The following DST variants were observed in gnomAD, a reference collection of about 807,000 sequenced individuals.
DST encodes the protein bullous pemphigoid antigen.
In DST, 253 loss-of-function variants were observed where a neutral mutation model predicts 875.2. The observed-to-expected ratio is 0.29, with a 90% CI of 0.26 to 0.32. The LOEUF is 0.32. Ranked by LOEUF, DST falls within the 10% of genes least tolerant of loss-of-function variation. The pLI is 1.00. For missense variants in DST, 8,287 were observed against 9,111.6 expected, an observed-to-expected ratio of 0.91 and a Z score of 3.68; for synonymous variants, 3,124 against 3,197.1, an observed-to-expected ratio of 0.98 and a Z score of 0.77.
chr6:56,951,505 C>T (rs891986157), intron 2 of DST, among the ~76,000 whole-genome samples: 6 of 152,062 alleles, frequency 3.9e-5, no homozygotes, highest in Non-Finnish European at 7.4e-5. Context: ...AGAGGTATTT[C>T]TCAAAGAGAA....
chr6:56,765,125 A>G (rs189885860), intron 4 of DST, among the ~76,000 whole-genome samples: 4 of 152,254 alleles, frequency 2.6e-5, no homozygotes, highest in African/African-American at 7.2e-5. Flanking sequence ...TCTTATCTGT[A>G]AGACTACTGG....
rs141935712 is a variant in DST at position 56,495,326 on chromosome 6, CTTAT to C, written c.20224-1150_20224-1147del. Among the ~76,000 whole-genome samples, 810 of 151,932 alleles carry C rather than the reference CTTAT, an allele frequency of 5.3e-3. 29 individuals carry two copies. In the East Asian group the frequency reaches 0.11, roughly 20 times the overall value. Reference sequence around the variant, plus strand: ...GAATGCTTTAAATCACAAATTTAAACTTATTTAAACAGATTTCTATGATTTATTA... The same window carrying C: ...GAATGCTTTAAATCACAAATTTAAACTTAAACAGATTTCTATGATTTATTA... On this transcript the variant is annotated intron_variant, in intron 82 of 103. Transcript: ENST00000680361.
At chr6:56,590,139 CTT>C (rs1260222821) in intron 49 of DST, among the ~76,000 whole-genome samples, 4 of 152,150 alleles carry the variant, frequency 2.6e-5, no homozygotes, top group Admixed American at 2.6e-4. Flanking sequence ...TACGCTATGA[CTT>C]AATTAGAATT....
intron 53 of DST, 129 bp from the exon 54 acceptor site, chr6:56,570,141 T>C (rs1323516042): frequency 7.7e-6 from 5 of 648,512 alleles, no homozygotes; most frequent in Non-Finnish European, 1.2e-5. Context: ...GGAGGAAAGG[T>C]TTCATAGGTG....
Position 56,505,501 on chromosome 6 carries a change from G to A in DST, c.19464+942C>T, listed in dbSNP as rs1304545575. 2.0e-5 allele frequency among the ~76,000 whole-genome samples: 3 copies of A among 151,498 alleles called. No individual in the cohort carries two copies. In the East Asian group the frequency reaches 5.8e-4, roughly 29 times the overall value. ...CAAAAGAAAAAAAAAAAAAGAAGAG[G>A]GAGGGAGAATATAATAAAGTGTTAT... On this transcript the variant is annotated intron_variant, in intron 77 of 103. Transcript: ENST00000680361.
At chr6:56,623,777 A>G (rs939262397) in intron 36 of DST, among the ~76,000 whole-genome samples, 1 of 152,168 alleles carries the variant, frequency 6.6e-6, no homozygotes, top group African/African-American at 2.4e-5. Flanking sequence ...AACAAAGCAT[A>G]GCATACTCCC....
intron 9 of DST, among the ~76,000 whole-genome samples, chr6:56,698,127 T>G (rs575203289): frequency 6.6e-6 from 1 of 152,086 alleles, no homozygotes; most frequent in African/African-American, 2.4e-5. Context: ...CACCTTTTCC[T>G]TTGATTACCT....
chr6:56,876,159 G>A (rs1779552246), intron 3 of DST, among the ~76,000 whole-genome samples: 1 of 152,000 alleles, frequency 6.6e-6, no homozygotes, highest in Non-Finnish European at 1.5e-5. Context: ...TCTGACCTCT[G>A]GTCACACTCC....
intron 3 of DST, among the ~76,000 whole-genome samples, chr6:56,890,208 G>A (rs1000750874): frequency 3.3e-5 from 5 of 152,122 alleles, no homozygotes; most frequent in African/African-American, 4.8e-5. Context: ...AGTGAGCACC[G>A]ACTCCAGAGA....
At chr6:56,735,360 T>C (rs1018472651) in intron 4 of DST, 71 bp from the exon 5 acceptor site, 2 of 924,154 alleles carry the variant, frequency 2.2e-6, no homozygotes, top group Non-Finnish European at 3.3e-6. Flanking sequence ...TGATCATGAA[T>C]ATAAACAAAA....
At position 56,670,922 on chromosome 6, in the gene DST, C is replaced by T. The variant is rs147179456; in HGVS notation, c.1048-115G>A. On this transcript the variant is annotated intron_variant, in intron 9 of 103. Transcript: ENST00000680361. ...CTAAGATTAGGATAATAACAATTCC[C>T]GCTTCATGAGATTGTTAAGAGATTT... 95 of 563,516 alleles carry T rather than the reference C, an allele frequency of 1.7e-4. No individual in the cohort carries two copies. In the African/African-American group the frequency reaches 1.7e-3, roughly 10 times the overall value. 34.9% of individuals were successfully genotyped at this position (563,516 alleles called of 1,614,324 possible).
chr6:56,605,057 T>C lies in DST; in HGVS notation c.9571A>G (p.Ile3191Val). ...GGTTTGGCTACATCTTTTGCTTTTA[T>C]ATTTTTAGCACAATGTTTTAAGTAA... ...FTYLKHCAKN[I>V]KAKDVAKPNE... Residue 3191 changes from isoleucine (I) to valine (V), a missense_variant, in exon 40 of 104, where the codon ATA (isoleucine) becomes GTA (valine). By Grantham distance (29) the Ile-to-Val change is conservative (BLOSUM62 3). Around this residue, in one of 10 missense-constraint regions of DST, gnomAD observed 3,138 missense variants for 3,116.6 expected, o/e 1.01. Transcript: ENST00000680361. 6.2e-7 allele frequency: 1 copy of C among 1,612,772 alleles called. No individual in the cohort carries two copies. Among genetic ancestry groups the C allele is most frequent in the Non-Finnish European group, 8.5e-7 (1 of 1,179,296 alleles).
intron 27 of DST, among the ~76,000 whole-genome samples, 196 bp from the exon 28 acceptor site, chr6:56,633,233 C>CTTTTTT (rs61647189): frequency 2.2e-5 from 3 of 138,720 alleles, no homozygotes; most frequent in African/African-American, 6.1e-5. Flanking sequence ...GAGTTTCACT[C>CTTTTTT]TTTTTTTTTT....
intron 4 of DST, among the ~76,000 whole-genome samples, chr6:56,791,620 T>C (rs2099724024): frequency 1.3e-5 from 2 of 151,772 alleles, no homozygotes; most frequent in African/African-American, 4.8e-5. Flanking sequence ...ATCCCGTCTC[T>C]ACAAATAATT....
intron 2 of DST, among the ~76,000 whole-genome samples, chr6:56,943,251 G>A (rs1053808935): frequency 6.6e-6 from 1 of 152,034 alleles, no homozygotes; most frequent in Non-Finnish European, 1.5e-5. Flanking sequence ...GGAATTGGAT[G>A]ACAGTACTGG....
chr6:56,514,753 C>G (rs1327000984), intron 72 of DST, among the ~76,000 whole-genome samples: 1 of 152,136 alleles, frequency 6.6e-6, no homozygotes, highest in African/African-American at 2.4e-5. Flanking sequence ...GGAATGCTCT[C>G]TCACATAAAC....
intron 94 of DST, 39 bp from the exon 95 acceptor site, chr6:56,471,307 T>A: frequency 6.7e-7 from 1 of 1,484,998 alleles, no homozygotes; most frequent in Non-Finnish European, 9.1e-7. Flanking sequence ...GTTAATGCTG[T>A]ACTAAAATTG....
At chr6:56,792,965 G>A (rs567934393) in intron 4 of DST, among the ~76,000 whole-genome samples, 3 of 149,876 alleles carry the variant, frequency 2.0e-5, no homozygotes, top group East Asian at 2.0e-4. Flanking sequence ...GCTACTCAGA[G>A]GCTGAGAAGG....
Position 56,603,939 on chromosome 6 carries a change from T to G in DST, c.10689A>C (p.Pro3563=). 1 of 1,611,588 alleles carries G rather than the reference T, an allele frequency of 6.2e-7. No individual in the cohort carries two copies. Among genetic ancestry groups the G allele is most frequent in the Non-Finnish European group, 8.5e-7 (1 of 1,178,668 alleles). The change falls in exon 40 of 104, where the codon CCA becomes CCC. Residue 3563 remains proline (P), a synonymous_variant. Transcript: ENST00000680361. Reference sequence around the variant, plus strand: ...ACAGATCCTTGAGCTTCTCATCTCTTGGCAATGTTGATGCCCACACAGTAG... The same window carrying G: ...ACAGATCCTTGAGCTTCTCATCTCTGGGCAATGTTGATGCCCACACAGTAG... ...ESSTVWASTL[P]RDEKLKDLCN... is the part of the protein sequence containing the mutation.
Sources: gnomAD v4.1 joint callset for allele counts (sites outside exome capture counted in the v4.1 genomes callset) on GRCh38, gnomAD v4.1.1 for gene constraint, gnomAD v4.1.1 regional missense constraint, MANE v1.5 for transcripts, NCBI Gene and HGNC (gene_info 2026-07-23, HGNC 2026-07-21) for gene names.